Variants in ENPP2 observed in about 807,000 individuals in gnomAD.
The protein encoded by ENPP2 is ectonucleotide pyrophosphatase/phosphodiesterase 2.
ENPP2 carries 51 observed loss-of-function variants against 120.2 expected under a neutral mutation model. The observed-to-expected ratio is 0.42, with a 90% CI of 0.34 to 0.54. The LOEUF (loss-of-function observed/expected upper bound fraction) is 0.54. ENPP2 is among the 20% of genes least tolerant of loss of function. The pLI, the probability that ENPP2 is intolerant of heterozygous loss-of-function variation, is 0.04. For missense variants in ENPP2, 920 were observed against 1,066.5 expected, an observed-to-expected ratio of 0.86 and a Z score of 1.91; for synonymous variants, 365 against 366.4, an observed-to-expected ratio of 1.00 and a Z score of 0.04.
chr8:119,617,606 G>A (rs1486509473), intron 5 of ENPP2, 43 bp from the exon 6 acceptor site: 4 of 1,378,672 alleles, frequency 2.9e-6, no homozygotes, highest in African/African-American at 2.9e-5. Context: ...ATTATTACCA[G>A]AGTTGCCATT....
At chr8:119,644,587 A>AATATGTATATAT (rs1448258331) in intron 1 of ENPP2, among the ~76,000 whole-genome samples, 2 of 59,978 alleles carry the variant, frequency 3.3e-5, no homozygotes, top group African/African-American at 1.0e-4. Context: ...AGATTACTAA[A>AATATGTATATAT]ATATATATAT....
chr8:119,599,132 T>C (rs182959426), intron 11 of ENPP2, among the ~76,000 whole-genome samples: 1 of 152,336 alleles, frequency 6.6e-6, no homozygotes, highest in African/African-American at 2.4e-5. Flanking sequence ...ACTGGCATCA[T>C]GTATGCAGAT....
intron 11 of ENPP2, among the ~76,000 whole-genome samples, chr8:119,598,230 C>T (rs928597305): frequency 6.6e-6 from 1 of 152,040 alleles, no homozygotes; most frequent in Admixed American, 6.6e-5. Context: ...TAATTGAAAT[C>T]TGAAAATATC....
chr8:119,584,966 G>C (rs572107827), intron 15 of ENPP2, among the ~76,000 whole-genome samples: 2 of 152,172 alleles, frequency 1.3e-5, no homozygotes, highest in Non-Finnish European at 2.9e-5. Flanking sequence ...TGCAAGATGA[G>C]TTAAATTTAA....
intron 2 of ENPP2, among the ~76,000 whole-genome samples, chr8:119,628,957 T>G (rs1230621644): frequency 6.6e-6 from 1 of 152,180 alleles, no homozygotes. Flanking sequence ...TTTCTAACAT[T>G]CTACAAATTC....
intron 1 of ENPP2, among the ~76,000 whole-genome samples, chr8:119,662,914 C>G (rs1211177241): frequency 6.6e-6 from 1 of 152,134 alleles, no homozygotes; most frequent in Non-Finnish European, 1.5e-5. Flanking sequence ...AGTTCGAGAT[C>G]AGCCTGGCCA....
chr8:119,603,232 A>G (rs1814441659), intron 9 of ENPP2, among the ~76,000 whole-genome samples: 1 of 151,944 alleles, frequency 6.6e-6, no homozygotes, highest in African/African-American at 2.4e-5. Flanking sequence ...TGTTTAAAAA[A>G]AAAAAGTGAA....
intron 3 of ENPP2, among the ~76,000 whole-genome samples, chr8:119,621,750 G>A (rs1420811880): frequency 6.6e-6 from 1 of 152,070 alleles, no homozygotes; most frequent in Non-Finnish European, 1.5e-5. Context: ...GGGTTCCTTT[G>A]GAAAAATGGG....
intron 1 of ENPP2, among the ~76,000 whole-genome samples, chr8:119,650,549 T>A (rs1262926047): frequency 2.0e-5 from 3 of 152,172 alleles, no homozygotes; most frequent in Non-Finnish European, 4.4e-5. Context: ...TTCCAAAGCA[T>A]CTGGATGCAC....
chr8:119,608,265 G>A (rs1040897910), intron 8 of ENPP2, among the ~76,000 whole-genome samples: 1 of 152,092 alleles, frequency 6.6e-6, no homozygotes, highest in African/African-American at 2.4e-5. Context: ...TTCTGTACCT[G>A]TCTTTTCTGA....
intron 1 of ENPP2, among the ~76,000 whole-genome samples, chr8:119,649,051 A>G (rs896463895): frequency 6.6e-6 from 1 of 152,184 alleles, no homozygotes; most frequent in Non-Finnish European, 1.5e-5. Flanking sequence ...TACAAAAATC[A>G]GTTGTATTTT....
intron 19 of ENPP2, 86 bp from the exon 20 acceptor site, chr8:119,570,927 C>G (rs1814924748): frequency 1.2e-6 from 1 of 806,138 alleles, no homozygotes; most frequent in Non-Finnish European, 1.9e-6. Flanking sequence ...GTCAAGTTAC[C>G]TAAAATGGCT....
chr8:119,562,379 G>A (rs562269546), intron 24 of ENPP2, among the ~76,000 whole-genome samples: 70 of 150,564 alleles, frequency 4.6e-4, no homozygotes, highest in African/African-American at 1.5e-3. Flanking sequence ...GGAGGTGAAG[G>A]TTGCAGTGAG....
At chr8:119,604,131 T>G (rs10097368) in intron 9 of ENPP2, among the ~76,000 whole-genome samples, 77,234 of 151,280 alleles carry the variant, frequency 0.51, 20,009 homozygotes, top group South Asian at 0.7. Context: ...CGGTTCAAGC[T>G]ATTCTCCTGC....
rs1407091378 is a variant in ENPP2, at chr8:119,570,415, TAAAC to T, written c.1917+286_1917+289del. On this transcript the variant is annotated intron_variant, in intron 20 of 24. Transcript: ENST00000075322. ...AAAATATAAAGTCTATTAAAATAAA[TAAAC>T]AAACCTTGGCAGTTTCTGTAACTAT... Among the ~76,000 whole-genome samples, 7 of 152,100 alleles carry T rather than the reference TAAAC, an allele frequency of 4.6e-5. No homozygotes were observed. The East Asian group carries it at 9.6e-4, about 21-fold the overall frequency.
chr8:119,594,481 A>C (rs1321844645), intron 11 of ENPP2, among the ~76,000 whole-genome samples: 1 of 152,248 alleles, frequency 6.6e-6, no homozygotes, highest in Non-Finnish European at 1.5e-5. Flanking sequence ...AATCTATAAG[A>C]GTCCTAACTT....
At chr8:119,638,722 C>T (rs550771441) in intron 1 of ENPP2, 26 bp downstream of exon 1, 7 of 1,345,186 alleles carry the variant, frequency 5.2e-6, no homozygotes, top group African/African-American at 1.4e-5. Context: ...TCAAGCATGT[C>T]CCCCGTCATT....
At chr8:119,586,976 CA>C in intron 14 of ENPP2, 67 bp downstream of exon 14, 1 of 1,397,700 alleles carries the variant, frequency 7.2e-7, no homozygotes, top group Admixed American at 1.8e-5. Flanking sequence ...GAGGCACACA[CA>C]GGAGGGAGGC....
At chr8:119,617,073 G>A in intron 7 of ENPP2, 91 bp downstream of exon 7, 1 of 832,656 alleles carries the variant, frequency 1.2e-6, no homozygotes, top group African/African-American at 1.7e-5. Flanking sequence ...TGAACACTAA[G>A]GAACACGTTT....
Sources: allele counts gnomAD v4.1 joint callset (sites outside exome capture counted in the v4.1 genomes callset), GRCh38; gene constraint gnomAD v4.1.1; transcripts MANE v1.5; gene names NCBI Gene and HGNC (gene_info 2026-07-23, HGNC 2026-07-21).